Variants in LHPP observed in about 807,000 individuals in gnomAD.
The protein encoded by LHPP is hLHPP.
In LHPP, 24 loss-of-function variants were observed where a neutral mutation model predicts 30.3. The observed-to-expected ratio is 0.79, with a 90% CI of 0.57 to 1.11. The LOEUF is 1.11. Ranked by LOEUF, LHPP falls within the 50% of genes most tolerant of loss-of-function variation. LHPP has a pLI of 0.00. For missense variants in LHPP, 356 were observed against 367.2 expected (o/e 0.97, Z 0.25); for synonymous variants, 150 against 157.1 (o/e 0.95, Z 0.34).
chr10:124,565,154 T>A (rs1188869336), intron 6 of LHPP, among the ~76,000 whole-genome samples: 1 of 152,086 alleles, frequency 6.6e-6, no homozygotes, highest in Non-Finnish European at 1.5e-5. Flanking sequence ...GGGGCTTCAC[T>A]CGCCGAAGCT....
intron 6 of LHPP, among the ~76,000 whole-genome samples, chr10:124,584,525 A>G (rs974087046): frequency 2.0e-5 from 3 of 152,122 alleles, no homozygotes; most frequent in Non-Finnish European, 1.5e-5. Flanking sequence ...GAAGGAGGGA[A>G]AGGAGAAACA....
intron 6 of LHPP, among the ~76,000 whole-genome samples, chr10:124,538,189 G>GGGGTCACCATGCA (rs58130546): frequency 0.88 from 131,233 of 149,276 alleles, 58,009 homozygotes; most frequent in East Asian, 1. Context: ...GTCACCATGC[G>GGGGTCACCATGCA]GGGTCACCAT....
chr10:124,501,669 G>C (rs533502991), intron 5 of LHPP, among the ~76,000 whole-genome samples: 2 of 151,058 alleles, frequency 1.3e-5, no homozygotes, highest in South Asian at 4.2e-4. Context: ...ACGACGTTCT[G>C]AATGTGCTCG....
At chr10:124,610,067 G>A (rs1017340301) in intron 6 of LHPP, among the ~76,000 whole-genome samples, 1 of 152,222 alleles carries the variant, frequency 6.6e-6, no homozygotes, top group Non-Finnish European at 1.5e-5. Context: ...GTTTTCCAAT[G>A]TGGCCCGTAC....
At position 124,485,300 on chromosome 10, in the gene LHPP, GA is replaced by G. The variant is rs1390503678; in HGVS notation, c.313+978del. Among the ~76,000 whole-genome samples, 3 of 152,154 alleles carry G rather than the reference GA, an allele frequency of 2.0e-5. No individual in the cohort carries two copies. In the East Asian group the frequency reaches 5.8e-4, roughly 29 times the overall value. On this transcript the variant is annotated intron_variant, in intron 2 of 6. Coordinates refer to ENST00000368842, the MANE Select transcript of LHPP (RefSeq NM_022126.4). ...GAAAAATATCTTGCCCCACCCTCCA[GA>G]AAAGGGTTGCTGGACCCGGGAGTGG...
intron 6 of LHPP, among the ~76,000 whole-genome samples, chr10:124,528,271 G>C (rs11598172): frequency 6.6e-6 from 1 of 152,224 alleles, no homozygotes; most frequent in Non-Finnish European, 1.5e-5. Context: ...CTGGGGTTCT[G>C]TCCACCCCGT....
chr10:124,477,275 C>T (rs1311172235), intron 1 of LHPP, among the ~76,000 whole-genome samples: 3 of 152,180 alleles, frequency 2.0e-5, no homozygotes, highest in African/African-American at 7.2e-5. Flanking sequence ...TCTCTTTTCA[C>T]TACAACCCCC....
chr10:124,512,614 C>CT (rs1449794634), intron 5 of LHPP, among the ~76,000 whole-genome samples: 1 of 96,904 alleles, frequency 1.0e-5, no homozygotes, highest in Non-Finnish European at 2.0e-5. Flanking sequence ...GGGACTCCGT[C>CT]TCAAAAAAAA....
chr10:124,508,717 A>G (rs1226424357), intron 5 of LHPP, among the ~76,000 whole-genome samples: 1 of 152,194 alleles, frequency 6.6e-6, no homozygotes, highest in East Asian at 1.9e-4. Context: ...AGAAGAAAAG[A>G]AACCACTCAT....
At chr10:124,588,570 C>T (rs1032827353) in intron 6 of LHPP, among the ~76,000 whole-genome samples, 7 of 152,160 alleles carry the variant, frequency 4.6e-5, no homozygotes, top group African/African-American at 9.7e-5. Context: ...CCACAGTGCC[C>T]GGCCCAGCTT....
At chr10:124,558,259 C>T (rs187762157) in intron 6 of LHPP, among the ~76,000 whole-genome samples, 37 of 152,282 alleles carry the variant, frequency 2.4e-4, no homozygotes, top group African/African-American at 8.7e-4. Flanking sequence ...CCTGAGTGGA[C>T]GTCCTCTAGC....
At chr10:124,544,557 A>G (rs1202258746) in intron 6 of LHPP, among the ~76,000 whole-genome samples, 1 of 152,108 alleles carries the variant, frequency 6.6e-6, no homozygotes, top group Non-Finnish European at 1.5e-5. Flanking sequence ...ATTCACCACC[A>G]GACCCGAATC....
intron 6 of LHPP, among the ~76,000 whole-genome samples, chr10:124,587,617 G>A (rs1029953760): frequency 5.3e-5 from 8 of 151,618 alleles, no homozygotes; most frequent in Admixed American, 1.3e-4. Flanking sequence ...GCACACTCCT[G>A]TAATCCCAGC....
Position 124,466,783 on chromosome 10 carries a change from C to G in LHPP, c.125+4796C>G, listed in dbSNP as rs1385874678. ...GCATATCATTTTTAAGATTTTTAAACTATGTGAATGTGTTTTCTATTCAAA... is the reference window on the plus strand; with the variant it reads ...GCATATCATTTTTAAGATTTTTAAAGTATGTGAATGTGTTTTCTATTCAAA... On this transcript the variant is annotated intron_variant, in intron 1 of 6. Transcript: ENST00000368842. Among the ~76,000 whole-genome samples the G allele has an allele frequency of 3.3e-5, 5 of 150,586 alleles. No individual in the cohort carries two copies. In the South Asian group the frequency reaches 8.7e-4, roughly 26 times the overall value.
intron 6 of LHPP, chr10:124,553,960 G>A (rs746182003): frequency 2.6e-5 from 26 of 985,268 alleles, no homozygotes; most frequent in Admixed American, 2.5e-4. Context: ...TTGTCCTTGC[G>A]GCACCATGCT....
At chr10:124,534,714 GCGCTCTC>G (rs1258832951) in intron 6 of LHPP, among the ~76,000 whole-genome samples, 1 of 152,220 alleles carries the variant, frequency 6.6e-6, no homozygotes, top group East Asian at 1.9e-4. Flanking sequence ...AGGTTCCTAT[GCGCTCTC>G]GGGGCTTCGG....
intron 4 of LHPP, among the ~76,000 whole-genome samples, 159 bp downstream of exon 4, chr10:124,497,183 C>G (rs907420906): frequency 2.0e-5 from 3 of 150,232 alleles, no homozygotes; most frequent in African/African-American, 4.9e-5. Flanking sequence ...CTGGCCGGGC[C>G]CTCGGGCCCT....
chr10:124,483,169 G>C (rs1484514173), intron 1 of LHPP, among the ~76,000 whole-genome samples: 1 of 152,158 alleles, frequency 6.6e-6, no homozygotes, highest in Non-Finnish European at 1.5e-5. Context: ...GGCTGGGTTT[G>C]GGCAGGGTCC....
Position 124,576,691 on chromosome 10 carries a change from A to G in LHPP, c.717-36573A>G, listed in dbSNP as rs144320680. 1.3e-4 allele frequency among the ~76,000 whole-genome samples: 20 copies of G among 152,212 alleles called. 1 individual carries two copies. In the East Asian group the frequency reaches 3.9e-3, roughly 29 times the overall value. On this transcript the variant is annotated intron_variant, in intron 6 of 6. Coordinates refer to ENST00000368842, the MANE Select transcript of LHPP (RefSeq NM_022126.4). The surrounding 1 kb of genome is among the most constrained non-coding windows in gnomAD (Gnocchi z 4.2). ...AAAACTCCTTCCCTGAGCGAGGGAT[A>G]GGCAGAGCTGAGGGCGGGGGTACTG...
Sources: gnomAD v4.1 joint callset for allele counts (sites outside exome capture counted in the v4.1 genomes callset) on GRCh38, gnomAD v4.1.1 for gene constraint, Gnocchi (gnomAD v3.1) non-coding constraint, MANE v1.5 for transcripts, NCBI Gene and HGNC (gene_info 2026-07-23, HGNC 2026-07-21) for gene names.